Variants in SPECC1 observed in about 807,000 individuals in gnomAD.
SPECC1 encodes sperm antigen with calponin homology and coiled-coil domains 1, also known as cytospin-B.
A neutral mutation model predicts 104.1 loss-of-function variants in SPECC1; 62 were observed. The ratio of observed to expected loss-of-function variants is 0.60; its 90% CI spans 0.49 to 0.74. SPECC1 has a LOEUF of 0.74. Among genes scored for constraint, SPECC1 ranks in the 30% least tolerant of loss-of-function variants. SPECC1 has a pLI of 0.00. For synonymous variants in SPECC1, 513 were observed against 501.6 expected (o/e 1.02, Z -0.30); for missense variants, 1,306 against 1,310.5 (o/e 1.00, Z 0.05).
At chr17:20,206,354 A>G (rs1567940350) in intron 4 of SPECC1, among the ~76,000 whole-genome samples, 2 of 152,326 alleles carry the variant, frequency 1.3e-5, no homozygotes, top group South Asian at 2.1e-4. Flanking sequence ...GTAACAGAAA[A>G]TGAAATCACT....
chr17:20,188,907 C>G (rs1439895198), intron 3 of SPECC1, among the ~76,000 whole-genome samples: 2 of 152,132 alleles, frequency 1.3e-5, no homozygotes, highest in African/African-American at 4.8e-5. Context: ...CGTGCCCAGT[C>G]CATCTAATTA....
chr17:20,047,761 C>G (rs1435681262), intron 1 of SPECC1, among the ~76,000 whole-genome samples: 1 of 151,996 alleles, frequency 6.6e-6, no homozygotes, highest in Non-Finnish European at 1.5e-5. Flanking sequence ...CCACGCCTGG[C>G]TAATTTTTTG....
At chr17:20,044,621 A>G (rs539343933) in intron 1 of SPECC1, among the ~76,000 whole-genome samples, 56 of 152,338 alleles carry the variant, frequency 3.7e-4, no homozygotes, top group African/African-American at 1.3e-3. Flanking sequence ...GAACTTGGCC[A>G]TTATGAGTAG....
At chr17:20,178,711 A>AG (rs1209914678) in intron 3 of SPECC1, among the ~76,000 whole-genome samples, 1 of 152,228 alleles carries the variant, frequency 6.6e-6, no homozygotes, top group Non-Finnish European at 1.5e-5. Context: ...AAGATGCTTA[A>AG]GGGATCTATG....
At chr17:20,072,601 G>A (rs144884058) in intron 1 of SPECC1, among the ~76,000 whole-genome samples, 173 of 152,330 alleles carry the variant, frequency 1.1e-3, no homozygotes, top group African/African-American at 4.0e-3. Context: ...AGGCCAGGCC[G>A]GCTCTGAACT....
chr17:20,269,877 G>A (rs539301342), intron 12 of SPECC1, among the ~76,000 whole-genome samples: 51 of 152,208 alleles, frequency 3.4e-4, no homozygotes, highest in African/African-American at 9.4e-4. Context: ...TCCATGCTGC[G>A]TCCTGTGGGT....
At chr17:20,232,573 C>T in intron 7 of SPECC1, 168 bp downstream of exon 7, 1 of 724,986 alleles carries the variant, frequency 1.4e-6, no homozygotes, top group Non-Finnish European at 2.2e-6. Flanking sequence ...TGTACAGTAC[C>T]CAGTCCCTGC....
chr17:20,135,456 T>TTATGTATTCA (rs1482698081), intron 3 of SPECC1, among the ~76,000 whole-genome samples: 1 of 152,176 alleles, frequency 6.6e-6, no homozygotes, highest in African/African-American at 2.4e-5. Flanking sequence ...TCAAATTTGT[T>TTATGTATTCA]TATGTATTCA....
chr17:20,123,641 G>A (rs552843093), intron 3 of SPECC1, among the ~76,000 whole-genome samples: 4 of 152,356 alleles, frequency 2.6e-5, no homozygotes, highest in African/African-American at 9.6e-5. Flanking sequence ...AGGATAGGTA[G>A]TGTTCCCAAA....
intron 1 of SPECC1, among the ~76,000 whole-genome samples, chr17:20,065,016 G>C (rs2046312286): frequency 6.6e-6 from 1 of 152,170 alleles, no homozygotes; most frequent in Non-Finnish European, 1.5e-5. Flanking sequence ...AGAAAGAAGA[G>C]CAATGTATTT....
intron 3 of SPECC1, among the ~76,000 whole-genome samples, chr17:20,163,858 C>T (rs1272122792): frequency 6.6e-6 from 1 of 152,092 alleles, no homozygotes; most frequent in African/African-American, 2.4e-5. Context: ...CCACAGTGCC[C>T]AGCCTGTATT....
chr17:20,111,972 T>C (rs563055792), intron 3 of SPECC1: 38 of 790,518 alleles, frequency 4.8e-5, no homozygotes, highest in Middle Eastern at 7.2e-4. Context: ...GGTGGACTGA[T>C]TGATGATATT....
chr17:20,227,565 G>A lies in SPECC1; in HGVS notation c.2016G>A (p.Val672=). Residue 672 remains valine, a synonymous_variant, in exon 5 of 15, where the codon GTG becomes GTA. Coordinates refer to ENST00000395527, the MANE Select transcript of SPECC1 (RefSeq NM_001243439.2). ...KETIFELEDQ[V]EQHRAVKLHN... ...CCATATTTGAATTGGAAGATCAGGTGGAACAGCACCGGGCTGTCAAGTTAC... is the reference window on the plus strand; with the variant it reads ...CCATATTTGAATTGGAAGATCAGGTAGAACAGCACCGGGCTGTCAAGTTAC... 4 of 1,612,404 alleles carry A rather than the reference G, an allele frequency of 2.5e-6. No homozygotes were observed. In the East Asian group the frequency reaches 6.7e-5, roughly 27 times the overall value.
chr17:20,084,808 G>A (rs2047114152), intron 1 of SPECC1, among the ~76,000 whole-genome samples: 1 of 152,020 alleles, frequency 6.6e-6, no homozygotes, highest in Non-Finnish European at 1.5e-5. Flanking sequence ...CAGACACTGG[G>A]CCCACAGGTG....
At chr17:20,054,787 C>G (rs767385259) in intron 1 of SPECC1, among the ~76,000 whole-genome samples, 1 of 152,064 alleles carries the variant, frequency 6.6e-6, no homozygotes, top group Non-Finnish European at 1.5e-5. Context: ...CCCACCTCAG[C>G]CTCCCTAGGA....
At chr17:20,112,475 C>T (rs556524855) in intron 3 of SPECC1, 18 of 765,038 alleles carry the variant, frequency 2.4e-5, no homozygotes, top group Admixed American at 2.1e-4. Context: ...GTCAGAACTG[C>T]GATGCCAAGG....
intron 12 of SPECC1, among the ~76,000 whole-genome samples, chr17:20,295,481 T>A (rs1026062377): frequency 1.3e-5 from 2 of 152,270 alleles, no homozygotes; most frequent in Middle Eastern, 3.4e-3. Context: ...AATAAACATA[T>A]GTGTGCATGT....
intron 1 of SPECC1, among the ~76,000 whole-genome samples, chr17:20,029,630 C>T (rs2044730738): frequency 6.6e-6 from 1 of 152,102 alleles, no homozygotes; most frequent in Non-Finnish European, 1.5e-5. Flanking sequence ...TTGTCTCTTT[C>T]TTCTTGAGTA....
intron 1 of SPECC1, among the ~76,000 whole-genome samples, chr17:20,074,694 T>C (rs539262592): frequency 1.3e-5 from 2 of 152,290 alleles, no homozygotes; most frequent in African/African-American, 4.8e-5. Flanking sequence ...TGTGTCTCTG[T>C]GGTTCTGTTT....
Sources: gnomAD v4.1 joint callset for allele counts (sites outside exome capture counted in the v4.1 genomes callset) on GRCh38, gnomAD v4.1.1 for gene constraint, MANE v1.5 for transcripts, NCBI Gene and HGNC (gene_info 2026-07-23, HGNC 2026-07-21) for gene names.